Variants in TIGIT observed in about 807,000 individuals in gnomAD.
TIGIT encodes T cell immunoreceptor with Ig and ITIM domains, also known as T-cell immunoreceptor with Ig and ITIM domains.
Under a neutral mutation model 19.6 loss-of-function variants are expected in TIGIT, and 11 were observed. The ratio of observed to expected loss-of-function variants is 0.56; its 90% CI spans 0.35 to 0.93. The LOEUF is 0.93. TIGIT is among the 40% of genes least tolerant of loss of function. The probability of loss-of-function intolerance (pLI) is 0.01; values close to 1 mark genes in which losing one functional copy is unlikely to be tolerated. For synonymous variants in TIGIT, 130 were observed against 125.5 expected (o/e 1.04, Z -0.24); for missense variants, 295 against 303.9 (o/e 0.97, Z 0.22).
At chr3:114,303,553 A>ATATATATACACATATATATGTG in intron 3 of TIGIT, among the ~76,000 whole-genome samples, 2 of 7,758 alleles carry the variant, frequency 2.6e-4, no homozygotes, top group African/African-American at 4.3e-4. Flanking sequence ...ATATATATGT[A>ATATATATACACATATATATGTG]TATATATATA....
chr3:114,302,512 TAACCA>T (rs2078498967), intron 3 of TIGIT, among the ~76,000 whole-genome samples: 1 of 152,214 alleles, frequency 6.6e-6, no homozygotes, highest in Admixed American at 6.5e-5. Flanking sequence ...TGTGCTCTAT[TAACCA>T]TTTTAATATT....
rs1253432793 is a variant in TIGIT at position 114,308,237 on chromosome 3, A to ATG, written c.*118_*119dup. On this transcript the variant is annotated 3_prime_UTR_variant, in exon 4 of 4. Transcript: ENST00000383671. The stretch of plus-strand genomic sequence containing the variant: ...GTGCTGCGTGTGTGTGTGTGTGTGT[A>ATG]TGTGTGTGTGTGTTCAGTTGAGTGA... 20 of 479,284 alleles carry ATG rather than the reference A, an allele frequency of 4.2e-5. No homozygotes were observed. Among genetic ancestry groups the ATG allele is most frequent in the Middle Eastern group, 5.5e-4 (1 of 1,826 alleles). 29.7% of individuals were successfully genotyped at this position (479,284 alleles called of 1,614,324 possible).
intron 2 of TIGIT, among the ~76,000 whole-genome samples, chr3:114,298,564 C>T (rs1176094430): frequency 6.6e-6 from 1 of 152,072 alleles, no homozygotes; most frequent in Non-Finnish European, 1.5e-5. Context: ...TCTCTATGAC[C>T]CCTGTGCTTT....
intron 3 of TIGIT, among the ~76,000 whole-genome samples, chr3:114,303,522 TATATATGTATATATATACAC>T (rs2078506792): frequency 3.9e-4 from 4 of 10,332 alleles, no homozygotes; most frequent in African/African-American, 6.4e-4. Context: ...TATATACACA[TATATATGTATATATATACAC>T]ATATATATGT....
chr3:114,297,427 G>A (rs970147645), intron 2 of TIGIT, among the ~76,000 whole-genome samples: 1 of 152,174 alleles, frequency 6.6e-6, no homozygotes, highest in African/African-American at 2.4e-5. Context: ...TTCATGGTTA[G>A]AGGAGGCCTG....
chr3:114,305,812 GGA>G (rs2078530050), intron 3 of TIGIT, among the ~76,000 whole-genome samples: 1 of 151,222 alleles, frequency 6.6e-6, no homozygotes, highest in African/African-American at 2.4e-5. Context: ...ATGGATGGAT[GGA>G]TGGATGGATG....
chr3:114,308,024 C>T lies in TIGIT; in HGVS notation c.628C>T (p.Leu210Phe). Residue 210 changes from leucine (L) to phenylalanine (F), a missense_variant, in exon 4 of 4, where the codon CTC becomes TTC. Leu to Phe is a conservative substitution (Grantham distance 22). Transcript: ENST00000383671. ...CVQAEAAPAG[L>F]CGEQRGEDCA... ...CCAGGCAGAAGCTGCACCTGCTGGG[C>T]TCTGTGGAGAGCAGCGGGGAGAGGA... 1.2e-6 allele frequency: 2 copies of T among 1,614,150 alleles called. No homozygotes were observed. Among genetic ancestry groups the T allele is most frequent in the East Asian group, 2.2e-5 (1 of 44,876 alleles).
At chr3:114,296,950 A>C (rs2078457754) in intron 2 of TIGIT, among the ~76,000 whole-genome samples, 1 of 146,962 alleles carries the variant, frequency 6.8e-6, no homozygotes. Flanking sequence ...GCTGGAGTGC[A>C]ATGGCGCAAT....
At chr3:114,295,921 T>C (rs753496589) in intron 2 of TIGIT, 47 bp downstream of exon 2, 3 of 1,460,450 alleles carry the variant, frequency 2.1e-6, no homozygotes, top group South Asian at 1.3e-5. Context: ...CCCTCTAGCA[T>C]AGAAAATGCA....
intron 3 of TIGIT, 74 bp from the exon 4 acceptor site, chr3:114,307,821 G>C: frequency 7.5e-7 from 1 of 1,334,612 alleles, no homozygotes; most frequent in South Asian, 1.3e-5. Flanking sequence ...GAAAGGAAGA[G>C]AGAGATGTCA....
rs191385516 is a variant in TIGIT, at chr3:114,303,336, C to T, written c.498+3633C>T. Among the ~76,000 whole-genome samples the T allele has an allele frequency of 4.1e-3, 629 of 151,904 alleles. 3 individuals carry two copies. Among genetic ancestry groups the T allele is most frequent in the African/African-American group, 0.014 (598 of 41,446 alleles). ...GTATCATTCTTAACGCCTTTGCGTC[C>T]TCATAGCTTAGCTCCCACTTCTGAG... On this transcript the variant is annotated intron_variant, in intron 3 of 3. Transcript: ENST00000383671.
In TIGIT at chr3:114,299,674, G is replaced by T. The variant is rs1307066296; in HGVS notation, c.469G>T (p.Val157Phe). The T allele has an allele frequency of 6.2e-7, 1 of 1,612,880 alleles. No homozygotes were observed. Among genetic ancestry groups the T allele is most frequent in the Non-Finnish European group, 8.5e-7 (1 of 1,179,782 alleles). Residue 157 changes from valine to phenylalanine, a missense_variant, in exon 3 of 4, where the codon GTC becomes TTC. Coordinates refer to ENST00000383671, the MANE Select transcript of TIGIT (RefSeq NM_173799.4). ...GACGCTGGTGGTCATCTGCACAGCA[G>T]TCATCGTGGTGGTCGCGTTGACTAG... ...AATLVVICTA[V>F]IVVVALTRKK... is the part of the protein sequence containing the mutation.
rs554753546 is a variant in TIGIT at position 114,302,161 on chromosome 3, C to T, written c.498+2458C>T. On this transcript the variant is annotated intron_variant, in intron 3 of 3. Coordinates refer to ENST00000383671, the MANE Select transcript of TIGIT (RefSeq NM_173799.4). ...CCTGCAGAAAGAACAAAGGGAACTACATACCCTCATCTCATTCCTCTCTCC... is the reference window on the plus strand; with the variant it reads ...CCTGCAGAAAGAACAAAGGGAACTATATACCCTCATCTCATTCCTCTCTCC... 7.9e-5 allele frequency among the ~76,000 whole-genome samples: 12 copies of T among 152,334 alleles called. No individual in the cohort carries two copies. The South Asian group carries it at 2.5e-3, about 32-fold the overall frequency.
intron 3 of TIGIT, among the ~76,000 whole-genome samples, chr3:114,304,053 C>A (rs2078514841): frequency 6.6e-6 from 1 of 151,776 alleles, no homozygotes; most frequent in Non-Finnish European, 1.5e-5. Flanking sequence ...TTTGTATATC[C>A]TTTTCTGAGA....
Position 114,309,537 on chromosome 3 carries a change from G to A in TIGIT, c.*1406G>A, listed in dbSNP as rs1211414538. On this transcript the variant is annotated 3_prime_UTR_variant, in exon 4 of 4. Coordinates refer to ENST00000383671, the MANE Select transcript of TIGIT (RefSeq NM_173799.4). ...GGGTTGACAATTGTTTTAGCAACAA[G>A]ACAATTCAACTATTTCTCCTAGGAT... 2 of 152,174 alleles carry A rather than the reference G, an allele frequency of 1.3e-5. No individual in the cohort carries two copies. The highest frequency in any genetic ancestry group is 2.9e-5 in the Non-Finnish European group (2 of 68,032). 9.4% of individuals were successfully genotyped at this position (152,174 alleles called of 1,614,324 possible). A position where few individuals can be genotyped will look rare whatever the true frequency, so the allele number is the denominator to read the frequency against.
intron 3 of TIGIT, 93 bp from the exon 4 acceptor site, chr3:114,307,802 T>G: frequency 8.8e-7 from 1 of 1,135,134 alleles, no homozygotes; most frequent in Non-Finnish European, 1.3e-6. Context: ...CTGGTGTGCA[T>G]GTGTGTAAGA....
Position 114,306,522 on chromosome 3 carries a change from C to A in TIGIT, c.499-1373C>A, listed in dbSNP as rs572051049. ...TCCTAGGTTTGGGTCCCAACTCAAC[C>A]ACTTGAGTAGCTGTACCACCTAACT... On this transcript the variant is annotated intron_variant, in intron 3 of 3. Transcript: ENST00000383671. Among the ~76,000 whole-genome samples, 8 of 152,308 alleles carry A rather than the reference C, an allele frequency of 5.3e-5. No homozygotes were observed. In the South Asian group the frequency reaches 1.5e-3, roughly 28 times the overall value.
At position 114,303,612 on chromosome 3, in the gene TIGIT, CATATATATGTATAT is replaced by C. The variant is rs1560033686; in HGVS notation, c.498+3915_498+3928del. ...ACATATATATGTATATATATATATA[CATATATATGTATAT>C]ATATACACACACACACACACACACA... On this transcript the variant is annotated intron_variant, in intron 3 of 3. Transcript: ENST00000383671. Among the ~76,000 whole-genome samples, 239 of 65,434 alleles carry C rather than the reference CATATATATGTATAT, an allele frequency of 3.7e-3. 8 individuals carry two copies. Among genetic ancestry groups the C allele is most frequent in the Non-Finnish European group, 6.3e-3 (171 of 27,346 alleles). The allele number at this position is 65,434 out of a possible 152,430, so 42.9% of individuals were successfully genotyped here.
chr3:114,295,169 T>G (rs1576135065), intron 1 of TIGIT: 2 of 221,458 alleles, frequency 9.0e-6, no homozygotes, highest in Non-Finnish European at 1.8e-5. Context: ...GGGGAGGGAG[T>G]GCAGCCTTGA....
Sources: allele counts gnomAD v4.1 joint callset (sites outside exome capture counted in the v4.1 genomes callset), GRCh38; gene constraint gnomAD v4.1.1; transcripts MANE v1.5; gene names NCBI Gene and HGNC (gene_info 2026-07-23, HGNC 2026-07-21).